HTR4: variants seen among roughly 807,000 people sequenced by gnomAD.
HTR4 encodes 5-hydroxytryptamine (serotonin) receptor 4, G protein-coupled.
A neutral mutation model predicts 36.8 loss-of-function variants in HTR4; 16 were observed. The observed-to-expected ratio is 0.43, with a 90% confidence interval of 0.29 to 0.66. The LOEUF is 0.66. HTR4 is among the 30% of genes least tolerant of loss of function. The pLI is 0.13. For missense variants in HTR4, 438 were observed against 490.9 expected (o/e 0.89, Z 1.02); for synonymous variants, 189 against 185.1 (o/e 1.02, Z -0.17).
chr5:148,499,609 A>G (rs568564142), intron 6 of HTR4, among the ~76,000 whole-genome samples: 116 of 152,316 alleles, frequency 7.6e-4, no homozygotes, highest in African/African-American at 2.6e-3. Context: ...TAGTAACATG[A>G]TACAAGATTA....
intron 6 of HTR4, chr5:148,484,282 T>C (rs1309019749): frequency 1.2e-6 from 2 of 1,613,668 alleles, no homozygotes; most frequent in Admixed American, 1.7e-5. Flanking sequence ...TTCCTTGCAG[T>C]CAAACATCTA....
chr5:148,609,756 C>G (rs1007805253), intron 2 of HTR4, among the ~76,000 whole-genome samples: 1 of 151,754 alleles, frequency 6.6e-6, no homozygotes, highest in Non-Finnish European at 1.5e-5. Context: ...TTAGTAGAGA[C>G]GGGGTTTCAC....
chr5:148,504,219 T>A (rs1032480090), intron 6 of HTR4, among the ~76,000 whole-genome samples: 1 of 152,150 alleles, frequency 6.6e-6, no homozygotes, highest in Non-Finnish European at 1.5e-5. Flanking sequence ...TCACACTTAT[T>A]CCAAAATTGT....
At chr5:148,545,137 A>G (rs1298891519) in intron 4 of HTR4, among the ~76,000 whole-genome samples, 2 of 152,224 alleles carry the variant, frequency 1.3e-5, no homozygotes, top group African/African-American at 4.8e-5. Flanking sequence ...CTCCAGCACT[A>G]TGAGGGAACG....
chr5:148,616,664 C>T (rs1443758116), intron 2 of HTR4, among the ~76,000 whole-genome samples: 1 of 152,158 alleles, frequency 6.6e-6, no homozygotes, highest in African/African-American at 2.4e-5. Flanking sequence ...ACATTAGTAT[C>T]TGTGTTCATC....
intron 4 of HTR4, among the ~76,000 whole-genome samples, chr5:148,525,851 G>T (rs6861293): frequency 6.6e-6 from 1 of 151,968 alleles, no homozygotes; most frequent in African/African-American, 2.4e-5. Flanking sequence ...TTTTAAAAGA[G>T]GCAATCAAAT....
At chr5:148,527,414 C>T (rs964938436) in intron 4 of HTR4, among the ~76,000 whole-genome samples, 1 of 152,112 alleles carries the variant, frequency 6.6e-6, no homozygotes, top group African/African-American at 2.4e-5. Context: ...GGGCTATTGC[C>T]AGTTTCCCTT....
At chr5:148,550,070 C>T (rs1002637897) in intron 3 of HTR4, 67 bp downstream of exon 3, 6 of 1,531,780 alleles carry the variant, frequency 3.9e-6, no homozygotes, top group Middle Eastern at 3.4e-4. Context: ...GAAATGTTCA[C>T]ACCCAACTCT....
downstream of HTR4, among the ~76,000 whole-genome samples, chr5:148,478,101 A>G (rs1377272617): frequency 6.6e-6 from 1 of 152,178 alleles, no homozygotes; most frequent in Non-Finnish European, 1.5e-5. Flanking sequence ...TTTCTTTATT[A>G]GTAGACTTCT....
intron 6 of HTR4, among the ~76,000 whole-genome samples, chr5:148,503,819 CA>C (rs757010518): frequency 2.0e-5 from 3 of 150,856 alleles, no homozygotes; most frequent in East Asian, 3.9e-4. Context: ...AACTGGAAAA[CA>C]AAAAAAAGGC....
At position 148,636,908 on chromosome 5, in the gene HTR4, T is replaced by C. The variant is rs539082401; in HGVS notation, c.26+81A>G. ...AATCCACATCCATTAACTTTATAAC[T>C]CTACAACAACAGATTTTTAGAGTCT... On this transcript the variant is annotated intron_variant, in intron 2 of 6. Coordinates refer to ENST00000377888, the MANE Select transcript of HTR4 (RefSeq NM_000870.7). 554 of 893,786 alleles carry C rather than the reference T, an allele frequency of 6.2e-4. 7 individuals are homozygous for C. In the South Asian group the frequency reaches 7.5e-3, roughly 12 times the overall value. The allele number at this position is 893,786 out of a possible 1,614,324, so 55.4% of individuals were successfully genotyped here. A position where few individuals can be genotyped will look rare whatever the true frequency, so the allele number is the denominator to read the frequency against.
intron 4 of HTR4, among the ~76,000 whole-genome samples, chr5:148,526,990 C>A (rs1209248340): frequency 6.6e-6 from 1 of 152,064 alleles, no homozygotes; most frequent in Non-Finnish European, 1.5e-5. Context: ...TGTTAACAAT[C>A]ACTTATTGTA....
chr5:148,536,527 A>C (rs1186537825), intron 4 of HTR4, among the ~76,000 whole-genome samples: 1 of 151,830 alleles, frequency 6.6e-6, no homozygotes, highest in Admixed American at 6.6e-5. Context: ...CATAGACTTA[A>C]AATAAAGGAA....
chr5:148,615,912 T>A (rs944693729), intron 2 of HTR4, among the ~76,000 whole-genome samples: 1 of 152,198 alleles, frequency 6.6e-6, no homozygotes, highest in African/African-American at 2.4e-5. Flanking sequence ...GATGCTGTGA[T>A]TTAATCTGCA....
chr5:148,509,440 C>T lies in HTR4; in HGVS notation c.1076+16G>A. The T allele has an allele frequency of 1.9e-6, 3 of 1,567,574 alleles. No individual in the cohort carries two copies. The highest frequency in any genetic ancestry group is 2.6e-6 in the Non-Finnish European group (3 of 1,150,396). The stretch of plus-strand genomic sequence containing the variant: ...TACAAATCAACCAAATCAATGAACT[C>T]CCTTAGTATACTCACCTTAGTACAT... On this transcript the variant is annotated intron_variant, in intron 6 of 6. Coordinates refer to ENST00000377888, the MANE Select transcript of HTR4 (RefSeq NM_000870.7).
intron 2 of HTR4, among the ~76,000 whole-genome samples, chr5:148,605,761 A>G (rs1372251424): frequency 2.0e-5 from 3 of 151,816 alleles, no homozygotes; most frequent in Non-Finnish European, 2.9e-5. Context: ...AAAAAAAAAA[A>G]TCGGAAAACA....
chr5:148,601,638 TA>T (rs894876985), intron 2 of HTR4, among the ~76,000 whole-genome samples: 7 of 152,022 alleles, frequency 4.6e-5, no homozygotes, highest in African/African-American at 1.7e-4. Context: ...TTCTCTTTGC[TA>T]AAAACACAAA....
chr5:148,560,490 C>A (rs77494519), intron 2 of HTR4, among the ~76,000 whole-genome samples: 3,345 of 152,262 alleles, frequency 0.022, 108 homozygotes, highest in African/African-American at 0.072. Context: ...TAGAACCTTA[C>A]AAGGGATGCC....
intron 2 of HTR4, among the ~76,000 whole-genome samples, chr5:148,564,529 T>C (rs1289897368): frequency 1.3e-5 from 2 of 152,174 alleles, no homozygotes; most frequent in Non-Finnish European, 2.9e-5. Context: ...AGCCCTTGCT[T>C]GAAAGAAGTT....
Sources: gnomAD v4.1 joint callset for allele counts (sites outside exome capture counted in the v4.1 genomes callset) on GRCh38, gnomAD v4.1.1 for gene constraint, MANE v1.5 for transcripts, NCBI Gene and HGNC (gene_info 2026-07-23, HGNC 2026-07-21) for gene names.